Variants in SLMAP observed in about 807,000 individuals in gnomAD.
SLMAP encodes the protein sarcolemmal membrane-associated protein.
In SLMAP, 44 loss-of-function variants were observed where a neutral mutation model predicts 128.8. That is an observed-to-expected ratio of 0.34 (90% CI 0.27 to 0.44). The LOEUF (loss-of-function observed/expected upper bound fraction) is 0.44. SLMAP is among the 20% of genes least tolerant of loss of function. The pLI is 1.00. For missense variants in SLMAP, 787 were observed against 985.3 expected (o/e 0.80, Z 2.69); for synonymous variants, 327 against 348.8 (o/e 0.94, Z 0.70).
At chr3:57,912,153 G>A in intron 19 of SLMAP, 1 of 437,578 alleles carries the variant, frequency 2.3e-6, no homozygotes, top group Non-Finnish European at 4.2e-6. Context: ...AAATCCAGAA[G>A]GAATATCAGA....
rs534788112 is a variant in SLMAP at position 57,909,210 on chromosome 3, A to G, written c.1699+60A>G. 23 of 1,296,636 alleles carry G rather than the reference A, an allele frequency of 1.8e-5. No individual in the cohort carries two copies. In the East Asian group the frequency reaches 5.5e-4, roughly 31 times the overall value. 80.3% of individuals were successfully genotyped at this position (1,296,636 alleles called of 1,614,324 possible). On this transcript the variant is annotated intron_variant, in intron 19 of 24. Coordinates refer to ENST00000671191, the MANE Select transcript of SLMAP (RefSeq NM_001377540.1). ...TTGTGTGTTTGTTTTTAGTGATTCA[A>G]AAGGAATGGAGGCCAGGCGCAGTGG...
At chr3:57,881,895 G>C (rs910720495) in intron 14 of SLMAP, among the ~76,000 whole-genome samples, 2 of 152,294 alleles carry the variant, frequency 1.3e-5, no homozygotes, top group African/African-American at 4.8e-5. Context: ...CAACTGGGAG[G>C]CTGAGGCCAG....
chr3:57,836,439 A>C (rs1360907239), intron 3 of SLMAP, among the ~76,000 whole-genome samples: 2 of 152,244 alleles, frequency 1.3e-5, no homozygotes, highest in Non-Finnish European at 2.9e-5. Flanking sequence ...GCCTAATACC[A>C]CTGAACATAT....
chr3:57,789,912 C>T (rs1324151713), intron 2 of SLMAP, among the ~76,000 whole-genome samples: 1 of 152,222 alleles, frequency 6.6e-6, no homozygotes. Flanking sequence ...TCTCGGCTCA[C>T]TGCAACCTCC....
chr3:57,824,886 C>CATGG (rs767421465), intron 2 of SLMAP, among the ~76,000 whole-genome samples: 22 of 152,114 alleles, frequency 1.4e-4, no homozygotes, highest in Non-Finnish European at 2.4e-4. Context: ...AGTCCATGAA[C>CATGG]ATGGGGACAT....
rs184844359 is a variant in SLMAP, at chr3:57,830,287, C to T, written c.199-1096C>T. ...CCTCCCAAAGTTCTGGGATTACAGG[C>T]GTGAGCCACCACACCTGGCCTAAAA... is the stretch of plus-strand genomic sequence containing the variant. On this transcript the variant is annotated intron_variant, in intron 2 of 24. Coordinates refer to ENST00000671191, the MANE Select transcript of SLMAP (RefSeq NM_001377540.1). Among the ~76,000 whole-genome samples, 309 of 152,286 alleles carry T rather than the reference C, an allele frequency of 2.0e-3. 1 individual carries two copies. The highest frequency in any genetic ancestry group is 6.7e-3 in the African/African-American group (280 of 41,558).
At chr3:57,866,702 G>A (rs915156563) in intron 13 of SLMAP, among the ~76,000 whole-genome samples, 1 of 152,132 alleles carries the variant, frequency 6.6e-6, no homozygotes, top group Admixed American at 6.6e-5. Context: ...GAGCATCATG[G>A]TGAAACTTTA....
chr3:57,885,221 C>T (rs1200832647), intron 14 of SLMAP, among the ~76,000 whole-genome samples: 3 of 151,394 alleles, frequency 2.0e-5, no homozygotes, highest in Non-Finnish European at 4.4e-5. Flanking sequence ...TATAGGCACC[C>T]ACCACCACGC....
chr3:57,858,114 A>C lies in SLMAP; in HGVS notation c.642A>C (p.Leu214Phe), dbSNP rs1160751415. ...WQALIDEDRL[L>F]SRLEVMGNQL... The stretch of plus-strand genomic sequence containing the variant: ...CTTTAATAGATGAAGATAGACTCTT[A>C]TCACGGTTAGAAGTTATGGGAAACC... Residue 214 changes from leucine (L) to phenylalanine (F), a missense_variant, in exon 8 of 25, where the codon TTA becomes TTC. Around this residue, in one of 2 missense-constraint regions of SLMAP, gnomAD observed 715 missense variants for 843.6 expected, o/e 0.85. Transcript: ENST00000671191. The C allele has an allele frequency of 6.3e-7, 1 of 1,599,728 alleles. No individual in the cohort carries two copies. The highest frequency in any genetic ancestry group is 8.6e-7 in the Non-Finnish European group (1 of 1,167,038).
At chr3:57,838,645 GA>G (rs78343288) in intron 3 of SLMAP, among the ~76,000 whole-genome samples, 37,781 of 152,020 alleles carry the variant, frequency 0.25, 5,164 homozygotes, top group East Asian at 0.47. Flanking sequence ...AGGCTCTGGG[GA>G]CATCTTACCC....
chr3:57,803,948 T>A (rs1576742647), intron 2 of SLMAP, among the ~76,000 whole-genome samples: 1 of 152,248 alleles, frequency 6.6e-6, no homozygotes, highest in East Asian at 1.9e-4. Context: ...TAGGTGCTCA[T>A]CTGAAAATAT....
chr3:57,758,949 C>T (rs920086589), intron 2 of SLMAP, among the ~76,000 whole-genome samples: 1 of 152,076 alleles, frequency 6.6e-6, no homozygotes. Flanking sequence ...ATAATTAAAT[C>T]TTTCTTAAAG....
chr3:57,892,442 T>C (rs565364238), intron 15 of SLMAP, among the ~76,000 whole-genome samples: 4 of 152,190 alleles, frequency 2.6e-5, no homozygotes, highest in Admixed American at 6.5e-5. Context: ...AGAAAGAATA[T>C]GTGTAGATAA....
intron 2 of SLMAP, among the ~76,000 whole-genome samples, chr3:57,762,337 C>A (rs2078849840): frequency 1.3e-5 from 2 of 151,660 alleles, no homozygotes; most frequent in East Asian, 1.9e-4. Flanking sequence ...CCACTGCACT[C>A]CAGCCTGGGT....
chr3:57,790,761 A>G (rs1354163128), intron 2 of SLMAP, among the ~76,000 whole-genome samples: 8 of 152,244 alleles, frequency 5.3e-5, no homozygotes, highest in Non-Finnish European at 1.0e-4. Flanking sequence ...GAAGTATTTT[A>G]TAAACTAGGT....
chr3:57,839,079 G>A (rs557273059), intron 3 of SLMAP, among the ~76,000 whole-genome samples: 137 of 152,042 alleles, frequency 9.0e-4, no homozygotes, highest in Admixed American at 9.8e-4. Flanking sequence ...TTAGCCTCCT[G>A]AGTAGCTGGG....
At chr3:57,895,064 G>A (rs985323543) in intron 15 of SLMAP, among the ~76,000 whole-genome samples, 13 of 151,946 alleles carry the variant, frequency 8.6e-5, no homozygotes, top group African/African-American at 3.1e-4. Context: ...GCTGAGGTGG[G>A]AGGATTACTT....
chr3:57,868,718 C>T (rs2095373302), intron 13 of SLMAP, among the ~76,000 whole-genome samples: 1 of 149,020 alleles, frequency 6.7e-6, no homozygotes, highest in Admixed American at 6.8e-5. Flanking sequence ...CAGAGTAAGA[C>T]CCTGTCTCTT....
intron 3 of SLMAP, among the ~76,000 whole-genome samples, chr3:57,834,953 C>T (rs1216642151): frequency 2.6e-5 from 4 of 151,454 alleles, no homozygotes; most frequent in African/African-American, 9.7e-5. Context: ...GAAACCCCAT[C>T]TCTACCAAAA....
Sources: gnomAD v4.1 joint callset for allele counts (sites outside exome capture counted in the v4.1 genomes callset) on GRCh38, gnomAD v4.1.1 for gene constraint, gnomAD v4.1.1 regional missense constraint, MANE v1.5 for transcripts, NCBI Gene and HGNC (gene_info 2026-07-23, HGNC 2026-07-21) for gene names.